The following VARS1 variants were observed in gnomAD, a reference collection of about 807,000 sequenced individuals.
The protein encoded by VARS1 is valyl-tRNA synthetase 1, also known as valine--tRNA ligase.
In VARS1, 92 loss-of-function variants were observed where a neutral mutation model predicts 161.0. The ratio of observed to expected loss-of-function variants is 0.57; its 90% CI spans 0.48 to 0.68. The LOEUF is 0.68. Ranked by LOEUF, VARS1 falls within the 30% of genes least tolerant of loss-of-function variation. VARS1 has a pLI of 0.00. For synonymous variants in VARS1, 595 were observed against 682.5 expected, an observed-to-expected ratio of 0.87 and a Z score of 2.00; for missense variants, 1,338 against 1,695.9, an observed-to-expected ratio of 0.79 and a Z score of 3.71.
At chr6:31,792,114 G>C in intron 6 of VARS1, 103 bp downstream of exon 6, 1 of 1,500,720 alleles carries the variant, frequency 6.7e-7, no homozygotes, top group Non-Finnish European at 9.1e-7. Context: ...CAGGGGGTCT[G>C]CAATTCCTCA....
rs756937290 is a variant in VARS1, at chr6:31,781,467, G to A, written c.2544+14C>T. Reference sequence around the variant, plus strand: ...AGGCTGGGGGCGATGGGAGGGTCTCGGCTGTCTCCGCACCTCTCTAAAGGG... The same window carrying A: ...AGGCTGGGGGCGATGGGAGGGTCTCAGCTGTCTCCGCACCTCTCTAAAGGG... On this transcript the variant is annotated intron_variant, in intron 21 of 29. Coordinates refer to ENST00000375663, the MANE Select transcript of VARS1 (RefSeq NM_006295.3). This position sits in a 1 kb window ranked among gnomAD's most constrained non-coding sequence, Gnocchi z 6.8. 7 of 1,610,482 alleles carry A rather than the reference G, an allele frequency of 4.3e-6. No homozygotes were observed. The highest frequency in any genetic ancestry group is 1.1e-5 in the South Asian group (1 of 90,832).
In VARS1 at chr6:31,784,553, G is replaced by A; in HGVS notation, c.1467+42C>T. On this transcript the variant is annotated intron_variant, in intron 11 of 29. Coordinates refer to ENST00000375663, the MANE Select transcript of VARS1 (RefSeq NM_006295.3). The surrounding 1 kb of genome is among the most constrained non-coding windows in gnomAD (Gnocchi z 6.1). Reference sequence around the variant, plus strand: ...GGCCCAGGGGCCAGGGCCAGGGCCAGGGTAGATTGGAGATGGAGACAGGCC... The same window carrying A: ...GGCCCAGGGGCCAGGGCCAGGGCCAAGGTAGATTGGAGATGGAGACAGGCC... 6.2e-7 allele frequency: 1 copy of A among 1,613,590 alleles called. No homozygotes were observed. Among genetic ancestry groups the A allele is most frequent in the African/African-American group, 1.3e-5 (1 of 75,068 alleles).
Position 31,780,787 on chromosome 6 carries a change from C to T in VARS1, c.2719-4G>A, listed in dbSNP as rs748977909. 6.2e-7 allele frequency: 1 copy of T among 1,614,194 alleles called. No homozygotes were observed. The highest frequency in any genetic ancestry group is 1.1e-5 in the South Asian group (1 of 91,082). ...TCCCCGCTGGGAAGTCAGCTTTCTA[C>T]AGGGAAGAGGCAGGGGGAGGAGCGT... On this transcript the variant is annotated splice_region_variant and splice_polypyrimidine_tract_variant and intron_variant, in intron 23 of 29. Coordinates refer to ENST00000375663, the MANE Select transcript of VARS1 (RefSeq NM_006295.3). This position sits in a 1 kb window ranked among gnomAD's most constrained non-coding sequence, Gnocchi z 5.1.
rs986321036 is a variant in VARS1, at chr6:31,791,528, A to G, written c.1100+82T>C. ...GAAGTGAGCACCAACCCAGAAGGAGAGAGGCTCGGGGGGCTGTCAGGGAAA... is the reference window on the plus strand; with the variant it reads ...GAAGTGAGCACCAACCCAGAAGGAGGGAGGCTCGGGGGGCTGTCAGGGAAA... On this transcript the variant is annotated intron_variant, in intron 8 of 29. Transcript: ENST00000375663. This position sits in a 1 kb window ranked among gnomAD's most constrained non-coding sequence, Gnocchi z 5.0. 7 of 1,517,388 alleles carry G rather than the reference A, an allele frequency of 4.6e-6. No individual in the cohort carries two copies. The highest frequency in any genetic ancestry group is 6.2e-6 in the Non-Finnish European group (7 of 1,133,662). 94.0% of individuals were successfully genotyped at this position (1,517,388 alleles called of 1,614,324 possible).
Position 31,779,376 on chromosome 6 carries a change from A to G in VARS1, c.3400+49T>C. 1 of 1,605,154 alleles carries G rather than the reference A, an allele frequency of 6.2e-7. No individual in the cohort carries two copies. Among genetic ancestry groups the G allele is most frequent in the Non-Finnish European group, 8.5e-7 (1 of 1,178,798 alleles). On this transcript the variant is annotated intron_variant, in intron 28 of 29. Transcript: ENST00000375663. This position sits in a 1 kb window ranked among gnomAD's most constrained non-coding sequence, Gnocchi z 9.1. ...ACTGCCGGACACTGGGTCCCAGAGT[A>G]GGCTGAGGGGACAGTGGGATGGGGC...
intron 6 of VARS1, 30 bp downstream of exon 6, chr6:31,792,187 G>A (rs1467341579): frequency 1.9e-6 from 3 of 1,607,094 alleles, no homozygotes; most frequent in Middle Eastern, 2.0e-4. Flanking sequence ...AGGGGCTGCT[G>A]AGGGGTGAGC....
In VARS1 at chr6:31,782,422, C is replaced by A; in HGVS notation, c.2013G>T (p.Glu671Asp). 1.9e-6 allele frequency: 3 copies of A among 1,612,376 alleles called. No homozygotes were observed. The highest frequency in any genetic ancestry group is 2.5e-6 in the Non-Finnish European group (3 of 1,179,718). The change falls in exon 17 of 30, where the codon GAG (glutamate) becomes GAT (aspartate). Residue 671 changes from glutamate to aspartate, a missense_variant. Physicochemically the swap from Glu to Asp is conservative, Grantham distance 45. This residue lies in a region of VARS1 where 902 missense variants were observed against 1,090.3 expected (regional missense o/e 0.83). Transcript: ENST00000375663. This position sits in a 1 kb window ranked among gnomAD's most constrained non-coding sequence, Gnocchi z 8.3. ...CGTACCACTGCGGCCGCAGCAGAGGCTCTACCACGTCCTTCGACCGGCTGG... is the reference window on the plus strand; with the variant it reads ...CGTACCACTGCGGCCGCAGCAGAGGATCTACCACGTCCTTCGACCGGCTGG... Reference protein sequence around the residue: ...PLCNRSKDVVEPLLRPQWYVR... With the variant: ...PLCNRSKDVVDPLLRPQWYVR...
intron 8 of VARS1, among the ~76,000 whole-genome samples, chr6:31,789,811 G>A (rs1443347899): frequency 6.6e-6 from 1 of 152,012 alleles, no homozygotes; most frequent in Non-Finnish European, 1.5e-5. Context: ...ACGAGGTCAG[G>A]AGATCGAGAC....
At position 31,779,810 on chromosome 6, in the gene VARS1, C is replaced by T. The variant is rs1813011608; in HGVS notation, c.3086G>A (p.Cys1029Tyr). Residue 1029 changes from cysteine to tyrosine, a missense_variant, in exon 27 of 30, where the codon TGC becomes TAC. Cys to Tyr is a radical substitution (Grantham distance 194). Around this residue, in one of 3 missense-constraint regions of VARS1, gnomAD observed 433 missense variants for 586.2 expected, o/e 0.74. Transcript: ENST00000375663. This position sits in a 1 kb window ranked among gnomAD's most constrained non-coding sequence, Gnocchi z 9.1. ...CACCCCATTCAGTACAGGTTTCAGG[C>T]ACTCCTAGGGGACGAGAGGTACAGG... is the stretch of plus-strand genomic sequence containing the variant. Reference protein sequence around the residue: ...LYELCDVYLECLKPVLNGVDQ... With the variant: ...LYELCDVYLEYLKPVLNGVDQ... 1 of 1,612,918 alleles carries T rather than the reference C, an allele frequency of 6.2e-7. No individual in the cohort carries two copies. Among genetic ancestry groups the T allele is most frequent in the Non-Finnish European group, 8.5e-7 (1 of 1,179,954 alleles).
At position 31,778,156 on chromosome 6, in the gene VARS1, G is replaced by A. The variant is rs1445722173; in HGVS notation, c.3727-494C>T. On this transcript the variant is annotated intron_variant, in intron 29 of 29. Coordinates refer to ENST00000375663, the MANE Select transcript of VARS1 (RefSeq NM_006295.3). This position sits in a 1 kb window ranked among gnomAD's most constrained non-coding sequence, Gnocchi z 5.1. ...AACCCAGGAGGCAGGGGACAAACAA[G>A]ACTGGCCTTCCAGGGTCAGCCCAGT... 6.2e-6 allele frequency: 1 copy of A among 162,580 alleles called. No individual in the cohort carries two copies. The highest frequency in any genetic ancestry group is 1.4e-5 in the Non-Finnish European group (1 of 74,004). The allele number at this position is 162,580 out of a possible 1,614,324, so 10.1% of individuals were successfully genotyped here.
chr6:31,784,471 A>T lies in VARS1; in HGVS notation c.1499T>A (p.Leu500Gln). 1 of 1,614,148 alleles carries T rather than the reference A, an allele frequency of 6.2e-7. No individual in the cohort carries two copies. The highest frequency in any genetic ancestry group is 8.5e-7 in the Non-Finnish European group (1 of 1,180,040). ...VDKKELTGRT[L>Q]LSVPGYKEKV... ...CTCCTTGTAGCCAGGCACGGAGAGCAGGGTGCGACCTGTCAGCTCCTTCTT... is the reference window on the plus strand; with the variant it reads ...CTCCTTGTAGCCAGGCACGGAGAGCTGGGTGCGACCTGTCAGCTCCTTCTT... Residue 500 changes from leucine (L) to glutamine (Q), a missense_variant, in exon 12 of 30, where the codon CTG becomes CAG. Leu to Gln is a moderately radical substitution (Grantham distance 113). Around this residue, in one of 3 missense-constraint regions of VARS1, gnomAD observed 902 missense variants for 1,090.3 expected, o/e 0.83. Coordinates refer to ENST00000375663, the MANE Select transcript of VARS1 (RefSeq NM_006295.3). This position sits in a 1 kb window ranked among gnomAD's most constrained non-coding sequence, Gnocchi z 6.1.
In VARS1 at chr6:31,782,899, T is replaced by TAC; in HGVS notation, c.1763-56_1763-55dup. Reference sequence around the variant, plus strand: ...TGAGGGACTCCACGGAGTTCCTTCCTACACTCACCTCTTTTGCTGAAGGAT... The same window carrying TAC: ...TGAGGGACTCCACGGAGTTCCTTCCTACACACTCACCTCTTTTGCTGAAGGAT... On this transcript the variant is annotated intron_variant, in intron 14 of 29. Coordinates refer to ENST00000375663, the MANE Select transcript of VARS1 (RefSeq NM_006295.3). The surrounding 1 kb of genome is among the most constrained non-coding windows in gnomAD (Gnocchi z 8.3). The TAC allele has an allele frequency of 6.3e-7, 1 of 1,577,162 alleles. No individual in the cohort carries two copies. The highest frequency in any genetic ancestry group is 8.6e-7 in the Non-Finnish European group (1 of 1,161,268).
At chr6:31,793,174 AC>A in intron 2 of VARS1, 54 bp from the exon 3 acceptor site, 1 of 1,539,448 alleles carries the variant, frequency 6.5e-7, no homozygotes, top group Non-Finnish European at 8.7e-7. Context: ...TCCATCTCCC[AC>A]CACAACCCAA....
chr6:31,779,593 C>G lies in VARS1; in HGVS notation c.3288+15G>C. 1 of 1,611,754 alleles carries G rather than the reference C, an allele frequency of 6.2e-7. No homozygotes were observed. Among genetic ancestry groups the G allele is most frequent in the South Asian group, 1.1e-5 (1 of 91,060 alleles). ...GGAGGGCAGGTCAGACTCCCCTCTC[C>G]AGGCCATGCCATACCTCTGAGGGCT... On this transcript the variant is annotated intron_variant, in intron 27 of 29. Coordinates refer to ENST00000375663, the MANE Select transcript of VARS1 (RefSeq NM_006295.3). This position sits in a 1 kb window ranked among gnomAD's most constrained non-coding sequence, Gnocchi z 9.1.
Position 31,779,546 on chromosome 6 carries a change from G to A in VARS1, c.3289-10C>T. On this transcript the variant is annotated splice_polypyrimidine_tract_variant and intron_variant, in intron 27 of 29. Coordinates refer to ENST00000375663, the MANE Select transcript of VARS1 (RefSeq NM_006295.3). This position sits in a 1 kb window ranked among gnomAD's most constrained non-coding sequence, Gnocchi z 9.1. ...GGTCCTTCCAGGAGCACTGTGGGGT[G>A]GAGGAGGGGGTGAGGGGGCCTGGAG... 1 of 1,612,452 alleles carries A rather than the reference G, an allele frequency of 6.2e-7. No homozygotes were observed.
Position 31,791,681 on chromosome 6 carries a change from G to A in VARS1, c.1029C>T (p.Pro343=). ...PRGVFMMCIP[P]PNVTGSLHLG... is the part of the protein sequence containing the mutation. ...GGTGCAGGGAGCCTGTCACATTGGG[G>A]GGTGGGATGCACATCATGAAGACAC... Residue 343 remains proline, a synonymous_variant, in exon 8 of 30, where the codon CCC becomes CCT. Transcript: ENST00000375663. This position sits in a 1 kb window ranked among gnomAD's most constrained non-coding sequence, Gnocchi z 5.0. 6.2e-7 allele frequency: 1 copy of A among 1,613,070 alleles called. No individual in the cohort carries two copies. The highest frequency in any genetic ancestry group is 8.5e-7 in the Non-Finnish European group (1 of 1,180,024).
At position 31,779,823 on chromosome 6, in the gene VARS1, C is replaced by A. The variant is rs200954923; in HGVS notation, c.3082-9G>T. The A allele has an allele frequency of 6.8e-6, 11 of 1,612,594 alleles. No individual in the cohort carries two copies. Among genetic ancestry groups the A allele is most frequent in the Admixed American group, 6.7e-5 (4 of 59,992 alleles). Reference sequence around the variant, plus strand: ...ACAGGTTTCAGGCACTCCTAGGGGACGAGAGGTACAGGGCTCACGGCTGGA... The same window carrying A: ...ACAGGTTTCAGGCACTCCTAGGGGAAGAGAGGTACAGGGCTCACGGCTGGA... On this transcript the variant is annotated splice_polypyrimidine_tract_variant and intron_variant, in intron 26 of 29. Coordinates refer to ENST00000375663, the MANE Select transcript of VARS1 (RefSeq NM_006295.3). The surrounding 1 kb of genome is among the most constrained non-coding windows in gnomAD (Gnocchi z 9.1).
chr6:31,777,547 T>C lies in VARS1; in HGVS notation c.*47A>G. 6.2e-7 allele frequency: 1 copy of C among 1,602,358 alleles called. No individual in the cohort carries two copies. The highest frequency in any genetic ancestry group is 8.5e-7 in the Non-Finnish European group (1 of 1,169,608). ...GTGGGAAAATATTTTATTGCTGCCATCCCCATGGTGAGCCGCTGGGGGTGA... is the reference window on the plus strand; with the variant it reads ...GTGGGAAAATATTTTATTGCTGCCACCCCCATGGTGAGCCGCTGGGGGTGA... On this transcript the variant is annotated 3_prime_UTR_variant, in exon 30 of 30. Coordinates refer to ENST00000375663, the MANE Select transcript of VARS1 (RefSeq NM_006295.3). This position sits in a 1 kb window ranked among gnomAD's most constrained non-coding sequence, Gnocchi z 5.8.
At position 31,778,415 on chromosome 6, in the gene VARS1, G is replaced by A. The variant is rs1812882085; in HGVS notation, c.3726+552C>T. On this transcript the variant is annotated intron_variant, in intron 29 of 29. Transcript: ENST00000375663. The surrounding 1 kb of genome is among the most constrained non-coding windows in gnomAD (Gnocchi z 5.1). ...CATGTGTAAGGGGAGGGCCTTCTAT[G>A]GTCCCTGCTCAAAGCGCCTGGGCTC... 6.6e-6 allele frequency among the ~76,000 whole-genome samples: 1 copy of A among 152,208 alleles called. No homozygotes were observed. The highest frequency in any genetic ancestry group is 1.5e-5 in the Non-Finnish European group (1 of 68,036).
Sources: gnomAD v4.1 joint callset for allele counts (sites outside exome capture counted in the v4.1 genomes callset) on GRCh38, gnomAD v4.1.1 for gene constraint, gnomAD v4.1.1 regional missense constraint, Gnocchi (gnomAD v3.1) non-coding constraint, MANE v1.5 for transcripts, NCBI Gene and HGNC (gene_info 2026-07-23, HGNC 2026-07-21) for gene names.